Variants in SNX14 observed in about 807,000 individuals in gnomAD.
The protein encoded by SNX14 is sorting nexin-14.
A neutral mutation model predicts 133.8 loss-of-function variants in SNX14; 93 were observed. That is an observed-to-expected ratio of 0.70 (90% CI 0.59 to 0.83). The LOEUF (loss-of-function observed/expected upper bound fraction) is 0.83. Ranked by LOEUF, SNX14 falls within the 40% of genes least tolerant of loss-of-function variation. SNX14 has a pLI of 0.00. For synonymous variants in SNX14, 368 were observed against 365.6 expected (o/e 1.01, Z -0.07); for missense variants, 945 against 1,094.9 (o/e 0.86, Z 1.93).
chr6:85,519,310 T>C (rs559649207), intron 21 of SNX14, among the ~76,000 whole-genome samples: 1 of 152,226 alleles, frequency 6.6e-6, no homozygotes, highest in African/African-American at 2.4e-5. Flanking sequence ...TTTAGTTCCA[T>C]ATACATTACT....
At chr6:85,517,713 G>T in intron 23 of SNX14, 43 bp downstream of exon 23, 1 of 1,536,824 alleles carries the variant, frequency 6.5e-7, no homozygotes, top group Non-Finnish European at 8.7e-7. Context: ...TCTCAAGTAG[G>T]GCAACTTAAA....
chr6:85,524,321 G>A (rs915603148), intron 21 of SNX14, among the ~76,000 whole-genome samples: 2 of 152,208 alleles, frequency 1.3e-5, no homozygotes, highest in Admixed American at 6.6e-5. Context: ...ATATTTATGT[G>A]TATAGAGATA....
chr6:85,543,866 A>AT, intron 12 of SNX14, 106 bp from the exon 13 acceptor site: 1 of 561,146 alleles, frequency 1.8e-6, no homozygotes, highest in Non-Finnish European at 2.7e-6. Flanking sequence ...CAGCAATTAG[A>AT]AGCAATCTAA....
In SNX14 at chr6:85,527,023, C is replaced by T. The variant is rs1034347662; in HGVS notation, c.1996-786G>A. Reference sequence around the variant, plus strand: ...GGTGGAGGTTGCAGTGAGCTGAGATCGTGCCGTTGCGCTCCAGCCTAGATG... The same window carrying T: ...GGTGGAGGTTGCAGTGAGCTGAGATTGTGCCGTTGCGCTCCAGCCTAGATG... On this transcript the variant is annotated intron_variant, in intron 20 of 28. Transcript: ENST00000314673. Among the ~76,000 whole-genome samples the T allele has an allele frequency of 1.4e-4, 21 of 152,092 alleles. No individual in the cohort carries two copies. In the South Asian group the frequency reaches 2.1e-3, roughly 15 times the overall value.
intron 15 of SNX14, among the ~76,000 whole-genome samples, chr6:85,540,937 G>C (rs912284860): frequency 2.0e-5 from 3 of 151,328 alleles, no homozygotes; most frequent in African/African-American, 4.9e-5. Flanking sequence ...AAATGAAAAT[G>C]AAAGGTAAAT....
rs866770033 is a variant in SNX14, at chr6:85,557,958, A to G, written c.634+18T>C. The stretch of plus-strand genomic sequence containing the variant: ...ATAAAAACAAAATTACTCAAACTGT[A>G]GTAGAAAACTGTATTACCTTTCTGT... On this transcript the variant is annotated intron_variant, in intron 7 of 28. Transcript: ENST00000314673. 24 of 1,437,350 alleles carry G rather than the reference A, an allele frequency of 1.7e-5. 1 individual carries two copies. In the Middle Eastern group the frequency reaches 4.2e-3, roughly 250 times the overall value. 89.0% of individuals were successfully genotyped at this position (1,437,350 alleles called of 1,614,324 possible). A position where few individuals can be genotyped will look rare whatever the true frequency, so the allele number is the denominator to read the frequency against.
In SNX14 at chr6:85,574,318, G is replaced by A. The variant is rs1344332039; in HGVS notation, c.201C>T (p.Cys67=). 2 of 1,591,878 alleles carry A rather than the reference G, an allele frequency of 1.3e-6. No homozygotes were observed. The highest frequency in any genetic ancestry group is 2.2e-5 in the South Asian group (2 of 89,340). ...GTAAGAGAGAATCAGGTCCTAGTGA[G>A]CAGTAGAATGTGACAACTCCAGCAA... ...SFVAGVVTFY[C]SLGPDSLLPN... The change falls in exon 2 of 29, where the codon TGC becomes TGT. Residue 67 remains cysteine, a synonymous_variant. Transcript: ENST00000314673.
chr6:85,564,966 G>T (rs913814182), intron 6 of SNX14, among the ~76,000 whole-genome samples: 5 of 151,220 alleles, frequency 3.3e-5, no homozygotes, highest in Admixed American at 6.6e-5. Flanking sequence ...TCCAGCCTGG[G>T]CGACAGAGCA....
chr6:85,546,984 A>T, intron 12 of SNX14, 128 bp downstream of exon 12: 4 of 624,342 alleles, frequency 6.4e-6, no homozygotes, highest in Non-Finnish European at 7.9e-6. Context: ...AAAAAAAAAA[A>T]GGAAATCGAG....
intron 15 of SNX14, among the ~76,000 whole-genome samples, chr6:85,540,591 T>A (rs945817631): frequency 1.3e-5 from 2 of 152,336 alleles, no homozygotes; most frequent in African/African-American, 4.8e-5. Context: ...TTGCAAATAA[T>A]CCTAAAGGCA....
In SNX14 at chr6:85,572,310, C is replaced by T; in HGVS notation, c.326G>A (p.Cys109Tyr). 1 of 1,613,310 alleles carries T rather than the reference C, an allele frequency of 6.2e-7. No homozygotes were observed. The highest frequency in any genetic ancestry group is 1.1e-5 in the South Asian group (1 of 90,970). ...HSCAVCGKVK[C>Y]KRHRPSLLLE... Reference sequence around the variant, plus strand: ...ATATTTAACTTACCTATGTCGTTTACATTTCACTTTACCACAAACAGCACA... The same window carrying T: ...ATATTTAACTTACCTATGTCGTTTATATTTCACTTTACCACAAACAGCACA... The change falls in exon 3 of 29, where the codon TGT (cysteine) becomes TAT (tyrosine). Residue 109 changes from cysteine to tyrosine, a missense_variant. By Grantham distance (194) the Cys-to-Tyr change is radical. This residue lies in a region of SNX14 where 514 missense variants were observed against 538.8 expected (regional missense o/e 0.95). Coordinates refer to ENST00000314673, the MANE Select transcript of SNX14 (RefSeq NM_153816.6).
At chr6:85,529,683 GCT>G (rs1779633861) in intron 19 of SNX14, among the ~76,000 whole-genome samples, 1 of 152,112 alleles carries the variant, frequency 6.6e-6, no homozygotes, top group African/African-American at 2.4e-5. Context: ...CACAGGCTTT[GCT>G]CTTACAGCAG....
At chr6:85,547,458 C>A in intron 10 of SNX14, 48 bp downstream of exon 10, 2 of 1,605,120 alleles carry the variant, frequency 1.2e-6, no homozygotes, top group Middle Eastern at 1.7e-4. Context: ...CATACAAAAT[C>A]AAAATTCAAT....
intron 27 of SNX14, among the ~76,000 whole-genome samples, chr6:85,507,737 T>A (rs1481504895): frequency 6.6e-6 from 1 of 152,160 alleles, no homozygotes; most frequent in Non-Finnish European, 1.5e-5. Flanking sequence ...TATGCCAAAT[T>A]TTCTACAATT....
At chr6:85,545,696 A>G (rs764660169) in intron 12 of SNX14, among the ~76,000 whole-genome samples, 3 of 152,134 alleles carry the variant, frequency 2.0e-5, no homozygotes, top group Non-Finnish European at 2.9e-5. Flanking sequence ...TTATTTATTT[A>G]TTTTTGAGAC....
chr6:85,525,522 T>A (rs1342944394), intron 21 of SNX14, among the ~76,000 whole-genome samples: 1 of 152,174 alleles, frequency 6.6e-6, no homozygotes, highest in African/African-American at 2.4e-5. Context: ...AAAATTCATG[T>A]ACAGAAGTAC....
chr6:85,558,652 C>T (rs987706324), intron 6 of SNX14, among the ~76,000 whole-genome samples: 2 of 152,010 alleles, frequency 1.3e-5, no homozygotes, highest in East Asian at 1.9e-4. Context: ...TTAGTAGAAA[C>T]GGGGTTTCGC....
chr6:85,567,542 C>A lies in SNX14; in HGVS notation c.453G>T (p.Pro151=), dbSNP rs527678843. The A allele has an allele frequency of 2.7e-6, 4 of 1,502,326 alleles. No individual in the cohort carries two copies. The highest frequency in any genetic ancestry group is 3.5e-6 in the Non-Finnish European group (4 of 1,134,610). The allele number at this position is 1,502,326 out of a possible 1,614,324, so 93.1% of individuals were successfully genotyped here. The change falls in exon 5 of 29, where the codon CCG becomes CCT. Residue 151 remains proline (P), a synonymous_variant. Coordinates refer to ENST00000314673, the MANE Select transcript of SNX14 (RefSeq NM_153816.6). ...LELVLENFVY[P]WYRDVTDDES... The stretch of plus-strand genomic sequence containing the variant: ...TTATAGAAAGAACATACCTGTACCA[C>A]GGATAAACAAAGTTTTCCAACACTA...
At chr6:85,559,479 A>T (rs1790834129) in intron 6 of SNX14, among the ~76,000 whole-genome samples, 1 of 152,200 alleles carries the variant, frequency 6.6e-6, no homozygotes, top group East Asian at 1.9e-4. Context: ...ATTTTTAAAA[A>T]ATTGTAGACC....
Sources: gnomAD v4.1 joint callset for allele counts (sites outside exome capture counted in the v4.1 genomes callset) on GRCh38, gnomAD v4.1.1 for gene constraint, gnomAD v4.1.1 regional missense constraint, MANE v1.5 for transcripts, NCBI Gene and HGNC (gene_info 2026-07-23, HGNC 2026-07-21) for gene names.